The following SH3BGRL2 variants were observed in gnomAD, a reference collection of about 807,000 sequenced individuals.
SH3BGRL2 encodes SH3 domain binding glutamate rich protein like 2.
Under a neutral mutation model 14.8 loss-of-function variants are expected in SH3BGRL2, and 21 were observed. The ratio of observed to expected loss-of-function variants is 1.42; its 90% CI spans 1.01 to 2.05. The LOEUF is 2.05. Among genes scored for constraint, SH3BGRL2 ranks in the 30% most tolerant of loss-of-function variants. SH3BGRL2 has a pLI of 0.00. For synonymous variants in SH3BGRL2, 50 were observed against 47.8 expected (o/e 1.05, Z -0.19); for missense variants, 147 against 130.8 (o/e 1.12, Z -0.61).
the SH3BGRL2 span, among the ~76,000 whole-genome samples, chr6:79,579,969 G>T: frequency 6.6e-6 from 1 of 151,966 alleles, no homozygotes; most frequent in African/African-American, 2.4e-5. Context: ...CAAGCAAATG[G>T]AAAGCAAAAA....
chr6:79,604,439 C>G, the SH3BGRL2 span, among the ~76,000 whole-genome samples: 5 of 152,122 alleles, frequency 3.3e-5, no homozygotes, highest in Admixed American at 2.0e-4. Flanking sequence ...TGGTGAAGGT[C>G]AAATGAGAAA....
chr6:79,560,010 GAGGAGGAGA>G, the SH3BGRL2 span, among the ~76,000 whole-genome samples: 56 of 152,188 alleles, frequency 3.7e-4, no homozygotes, highest in Non-Finnish European at 5.9e-4. Flanking sequence ...GAAGACGAAG[GAGGAGGAGA>G]AGGAGGAGAA....
the SH3BGRL2 span, among the ~76,000 whole-genome samples, chr6:79,610,325 G>T: frequency 6.6e-6 from 1 of 152,116 alleles, no homozygotes; most frequent in Admixed American, 6.5e-5. Context: ...TTGGAATTAT[G>T]TGCCATTGTT....
intron 1 of SH3BGRL2, among the ~76,000 whole-genome samples, chr6:79,661,989 A>G (rs1252462491): frequency 2.0e-5 from 3 of 151,016 alleles, no homozygotes; most frequent in Admixed American, 6.6e-5. Flanking sequence ...TTTGCTTTCC[A>G]TTTGCTTGGT....
At chr6:79,564,041 G>A in the SH3BGRL2 span, among the ~76,000 whole-genome samples, 19,576 of 152,168 alleles carry the variant, frequency 0.13, 1,419 homozygotes, top group African/African-American at 0.16. Context: ...TTGAGCAAAC[G>A]ATTAGTGGAG....
At chr6:79,666,220 T>C (rs1337415414) in intron 1 of SH3BGRL2, among the ~76,000 whole-genome samples, 1 of 152,162 alleles carries the variant, frequency 6.6e-6, no homozygotes, top group Non-Finnish European at 1.5e-5. Context: ...TTCTGATGCC[T>C]GTCACCTCAA....
At chr6:79,548,508 T>C in the SH3BGRL2 span, among the ~76,000 whole-genome samples, 20 of 152,194 alleles carry the variant, frequency 1.3e-4, no homozygotes, top group East Asian at 3.7e-3. Flanking sequence ...CTGGCAGCAC[T>C]ACATGTTTTA....
chr6:79,612,102 C>A, the SH3BGRL2 span, among the ~76,000 whole-genome samples: 146 of 152,164 alleles, frequency 9.6e-4, no homozygotes, highest in Admixed American at 2.9e-3. Context: ...TCGAGACCAG[C>A]CTGGCCAACG....
chr6:79,621,088 A>G, the SH3BGRL2 span, among the ~76,000 whole-genome samples: 1 of 152,012 alleles, frequency 6.6e-6, no homozygotes, highest in African/African-American at 2.4e-5. Flanking sequence ...AGTAGCTAAT[A>G]GTTATGAGTG....
the SH3BGRL2 span, among the ~76,000 whole-genome samples, chr6:79,606,482 G>A: frequency 2.0e-5 from 3 of 152,178 alleles, 1 homozygote; most frequent in Non-Finnish European, 4.4e-5. Context: ...TAGTACAACT[G>A]GGACTAACAC....
intron 2 of SH3BGRL2, among the ~76,000 whole-genome samples, chr6:79,694,316 AG>A (rs1770286480): frequency 6.6e-6 from 1 of 152,252 alleles, no homozygotes; most frequent in Non-Finnish European, 1.5e-5. Context: ...TACCACGTTC[AG>A]TATAGTCAAC....
At chr6:79,577,841 A>G in the SH3BGRL2 span, among the ~76,000 whole-genome samples, 4 of 152,218 alleles carry the variant, frequency 2.6e-5, no homozygotes, top group Admixed American at 2.0e-4. Flanking sequence ...GGGAAGCACA[A>G]GGGGTTGCGG....
At chr6:79,618,538 T>C in the SH3BGRL2 span, among the ~76,000 whole-genome samples, 3 of 152,044 alleles carry the variant, frequency 2.0e-5, no homozygotes, top group African/African-American at 7.2e-5. Flanking sequence ...AAACCCCATC[T>C]CTACTAAAAC....
At chr6:79,622,431 C>T in the SH3BGRL2 span, among the ~76,000 whole-genome samples, 1 of 152,308 alleles carries the variant, frequency 6.6e-6, no homozygotes, top group Non-Finnish European at 1.5e-5. Flanking sequence ...AAAACCAGAA[C>T]AGTAATGATA....
At chr6:79,553,967 CAAAAA>C in the SH3BGRL2 span, among the ~76,000 whole-genome samples, 1 of 126,772 alleles carries the variant, frequency 7.9e-6, no homozygotes. Context: ...GACTCTGTCT[CAAAAA>C]AAAAAAAAGA....
At chr6:79,682,394 T>A (rs1215528233) in intron 2 of SH3BGRL2, among the ~76,000 whole-genome samples, 4 of 152,130 alleles carry the variant, frequency 2.6e-5, no homozygotes, top group Admixed American at 6.5e-5. Context: ...TCAAAACAGA[T>A]CCCAAATGCA....
rs547384258 is a variant in SH3BGRL2 at position 79,634,279 on chromosome 6, G to C, written c.45+2773G>C. On this transcript the variant is annotated intron_variant, in intron 1 of 3. Transcript: ENST00000369838. ...CCTCTTTTGTCTTCCCTGGCTCCAG[G>C]TGAAGTCAGTTTTTACTAGGAAACA... Among the ~76,000 whole-genome samples the C allele has an allele frequency of 2.3e-3, 346 of 152,296 alleles. 1 individual carries two copies. Among genetic ancestry groups the C allele is most frequent in the African/African-American group, 8.0e-3 (334 of 41,552 alleles).
chr6:79,585,990 G>A, the SH3BGRL2 span, among the ~76,000 whole-genome samples: 29 of 152,066 alleles, frequency 1.9e-4, no homozygotes, highest in Admixed American at 1.6e-3. Context: ...GAGCTCAGGA[G>A]TTCGAGGCCA....
chr6:79,610,513 A>G, the SH3BGRL2 span, among the ~76,000 whole-genome samples: 2 of 152,226 alleles, frequency 1.3e-5, no homozygotes, highest in African/African-American at 4.8e-5. Flanking sequence ...AGTCACTAAC[A>G]TGATGAATAT....
Sources: allele counts gnomAD v4.1 joint callset (sites outside exome capture counted in the v4.1 genomes callset), GRCh38; gene constraint gnomAD v4.1.1; transcripts MANE v1.5; gene names NCBI Gene and HGNC (gene_info 2026-07-23, HGNC 2026-07-21).